ZNF532: variants seen among roughly 807,000 people sequenced by gnomAD.
ZNF532 encodes zinc finger protein 532.
ZNF532 carries 22 observed loss-of-function variants against 89.3 expected under a neutral mutation model. The observed-to-expected ratio is 0.25, with a 90% CI of 0.18 to 0.35. ZNF532 has a LOEUF of 0.35. ZNF532 is among the 10% of genes least tolerant of loss of function. The probability of loss-of-function intolerance (pLI) is 1.00; values close to 1 mark genes in which losing one functional copy is unlikely to be tolerated. For missense variants in ZNF532, 1,132 were observed against 1,643.4 expected, an observed-to-expected ratio of 0.69 and a Z score of 5.38; for synonymous variants, 606 against 649.6, an observed-to-expected ratio of 0.93 and a Z score of 1.02.
chr18:58,961,105 T>C (rs574685282), intron 7 of ZNF532, among the ~76,000 whole-genome samples: 2 of 152,162 alleles, frequency 1.3e-5, no homozygotes, highest in Admixed American at 6.5e-5. Flanking sequence ...AAGATTGGAG[T>C]GTGCGTCAGA....
intron 2 of ZNF532, among the ~76,000 whole-genome samples, chr18:58,869,729 T>TG (rs1392594877): frequency 4.6e-5 from 7 of 151,866 alleles, no homozygotes; most frequent in Non-Finnish European, 1.0e-4. Flanking sequence ...GGGGAGATTT[T>TG]GGAAGATTTG....
intron 5 of ZNF532, chr18:58,940,481 C>T (rs1206180901): frequency 6.6e-6 from 1 of 152,064 alleles, no homozygotes; most frequent in Non-Finnish European, 1.5e-5. Flanking sequence ...GGCTGCCTGC[C>T]TGCAGTAGGG....
chr18:58,978,522 G>A (rs1441397214), intron 7 of ZNF532, among the ~76,000 whole-genome samples: 1 of 152,124 alleles, frequency 6.6e-6, no homozygotes, highest in African/African-American at 2.4e-5. Context: ...TCAAAAACCT[G>A]TGTTTTTGAG....
At chr18:58,881,409 A>G (rs2144963051) in intron 2 of ZNF532, among the ~76,000 whole-genome samples, 1 of 152,262 alleles carries the variant, frequency 6.6e-6, no homozygotes, top group Middle Eastern at 3.4e-3. Context: ...CTGGGATTAC[A>G]CGCATGAGCC....
intron 2 of ZNF532, among the ~76,000 whole-genome samples, chr18:58,879,850 G>A (rs1568225321): frequency 6.6e-6 from 1 of 152,114 alleles, no homozygotes; most frequent in Non-Finnish European, 1.5e-5. Context: ...GTTGTTACTT[G>A]ACTGTACTGT....
intron 2 of ZNF532, among the ~76,000 whole-genome samples, chr18:58,878,926 A>G (rs141338535): frequency 2.0e-4 from 30 of 152,272 alleles, no homozygotes; most frequent in African/African-American, 7.0e-4. Context: ...TCCTATACAC[A>G]TGGGCAAACA....
At chr18:58,938,560 G>A (rs2062669350) in intron 4 of ZNF532, among the ~76,000 whole-genome samples, 2 of 152,174 alleles carry the variant, frequency 1.3e-5, no homozygotes, top group South Asian at 4.1e-4. Context: ...ACAAATGCAA[G>A]TGTACTTAAA....
intron 6 of ZNF532, 133 bp downstream of exon 6, chr18:58,948,362 G>A: frequency 2.4e-6 from 2 of 838,804 alleles, no homozygotes; most frequent in South Asian, 1.9e-5. Flanking sequence ...GTCGTTGTCA[G>A]TGAGCAACTT....
Position 58,879,859 on chromosome 18 carries a change from GT to G in ZNF532, c.-18+14284del, listed in dbSNP as rs989764858. ...CACAGAGTTGTTACTTGACTGTACT[GT>G]TTTGGGGGTGTAGTTTGTAGCTTTG... On this transcript the variant is annotated intron_variant, in intron 2 of 9. Coordinates refer to ENST00000591808, the MANE Select transcript of ZNF532 (RefSeq NM_001375912.1). 6.0e-4 allele frequency among the ~76,000 whole-genome samples: 91 copies of G among 152,272 alleles called. 1 individual carries two copies. The Middle Eastern group carries it at 0.01, about 17-fold the overall frequency.
intron 2 of ZNF532, among the ~76,000 whole-genome samples, chr18:58,910,766 C>T (rs1485332059): frequency 6.6e-6 from 1 of 152,170 alleles, no homozygotes; most frequent in Non-Finnish European, 1.5e-5. Flanking sequence ...TGAGCCGCCG[C>T]ACCTGGCCTG....
At chr18:58,948,455 G>A (rs2063849140) in intron 6 of ZNF532, among the ~76,000 whole-genome samples, 1 of 151,916 alleles carries the variant, frequency 6.6e-6, no homozygotes, top group African/African-American at 2.4e-5. Flanking sequence ...TAGTGAAAAG[G>A]AACCAATGTC....
chr18:58,930,360 C>T (rs1000113959), intron 3 of ZNF532, among the ~76,000 whole-genome samples: 2 of 152,146 alleles, frequency 1.3e-5, no homozygotes, highest in Non-Finnish European at 2.9e-5. Context: ...GGCGCAGTGG[C>T]TCACGCCTCT....
chr18:58,950,389 C>T (rs1032005284), intron 6 of ZNF532, among the ~76,000 whole-genome samples: 1 of 152,082 alleles, frequency 6.6e-6, no homozygotes, highest in East Asian at 1.9e-4. Context: ...CTTATGTTCT[C>T]ATTTCATGTA....
intron 2 of ZNF532, among the ~76,000 whole-genome samples, chr18:58,912,113 C>G (rs999000969): frequency 6.6e-6 from 1 of 152,122 alleles, no homozygotes; most frequent in Non-Finnish European, 1.5e-5. Flanking sequence ...CTTCACTCCT[C>G]TATTTCCCAA....
At chr18:58,872,455 T>A (rs538622001) in intron 2 of ZNF532, among the ~76,000 whole-genome samples, 2 of 152,240 alleles carry the variant, frequency 1.3e-5, no homozygotes, top group South Asian at 4.1e-4. Context: ...GGGATTTCAA[T>A]AGTAAGAATT....
chr18:58,869,242 A>G (rs1382258266), intron 2 of ZNF532, among the ~76,000 whole-genome samples: 1 of 152,216 alleles, frequency 6.6e-6, no homozygotes, highest in Non-Finnish European at 1.5e-5. Context: ...CACAAAAAAG[A>G]TCTAGCGTTG....
intron 5 of ZNF532, among the ~76,000 whole-genome samples, chr18:58,947,068 C>T (rs1351131276): frequency 6.6e-6 from 1 of 152,160 alleles, no homozygotes; most frequent in Non-Finnish European, 1.5e-5. Flanking sequence ...GTCAGCTTTT[C>T]TCTGACCTTT....
At chr18:58,937,942 T>C (rs1429175108) in intron 4 of ZNF532, among the ~76,000 whole-genome samples, 1 of 152,234 alleles carries the variant, frequency 6.6e-6, no homozygotes, top group African/African-American at 2.4e-5. Context: ...TCTATTGTTA[T>C]TTAGTGTTTA....
intron 5 of ZNF532, among the ~76,000 whole-genome samples, chr18:58,940,963 TTCTCTCTCTCTCTC>T (rs140521782): frequency 9.5e-6 from 1 of 105,332 alleles, no homozygotes; most frequent in African/African-American, 4.1e-5. Flanking sequence ...CACACACTCT[TTCTCTCTCTCTCTC>T]TCTCTCTCTC....
Sources: gnomAD v4.1 joint callset for allele counts (sites outside exome capture counted in the v4.1 genomes callset) on GRCh38, gnomAD v4.1.1 for gene constraint, MANE v1.5 for transcripts, NCBI Gene and HGNC (gene_info 2026-07-23, HGNC 2026-07-21) for gene names.